The following MOCOS variants were observed in gnomAD, a reference collection of about 807,000 sequenced individuals.
MOCOS encodes the protein human molybdenum cofactor sulfurase.
Under a neutral mutation model 83.6 loss-of-function variants are expected in MOCOS, and 86 were observed. The ratio of observed to expected loss-of-function variants is 1.03; its 90% CI spans 0.86 to 1.23. MOCOS has a LOEUF of 1.23. Ranked by LOEUF, MOCOS falls within the 50% of genes most tolerant of loss-of-function variation. The pLI, the probability that MOCOS is intolerant of heterozygous loss-of-function variation, is 0.00. For missense variants in MOCOS, 1,120 were observed against 1,126.9 expected, an observed-to-expected ratio of 0.99 and a Z score of 0.09; for synonymous variants, 445 against 434.7, an observed-to-expected ratio of 1.02 and a Z score of -0.29.
At chr18:36,250,146 C>T (rs751384548) in intron 10 of MOCOS, among the ~76,000 whole-genome samples, 2 of 152,082 alleles carry the variant, frequency 1.3e-5, no homozygotes, top group African/African-American at 2.4e-5. Context: ...CTTTCACCCC[C>T]GCCCATATAC....
At chr18:36,223,881 G>A (rs1734627143) in intron 9 of MOCOS, among the ~76,000 whole-genome samples, 1 of 152,128 alleles carries the variant, frequency 6.6e-6, no homozygotes, top group Non-Finnish European at 1.5e-5. Context: ...GCCCAAACTG[G>A]AATAGAGTGG....
intron 7 of MOCOS, among the ~76,000 whole-genome samples, chr18:36,214,991 G>C (rs572597624): frequency 6.6e-6 from 1 of 152,338 alleles, no homozygotes; most frequent in Admixed American, 6.5e-5. Flanking sequence ...GGGCACTCAA[G>C]CTGACCTTGG....
Position 36,244,375 on chromosome 18 carries a change from T to G in MOCOS, c.1961-4547T>G, listed in dbSNP as rs140678570. ...TTTAAATTCCATCTTGATTTCATTG[T>G]TGACCCAAGGATCAGTCAGGAGCAG... On this transcript the variant is annotated intron_variant, in intron 9 of 14. Transcript: ENST00000261326. Among the ~76,000 whole-genome samples, 359 of 152,320 alleles carry G rather than the reference T, an allele frequency of 2.4e-3. 3 individuals are homozygous for G. The highest frequency in any genetic ancestry group is 8.2e-3 in the African/African-American group (342 of 41,594).
rs556058782 is a variant in MOCOS at position 36,258,605 on chromosome 18, T to C, written c.2271-1432T>C. Among the ~76,000 whole-genome samples the C allele has an allele frequency of 7.2e-5, 11 of 152,254 alleles. No homozygotes were observed. The South Asian group carries it at 1.2e-3, about 17-fold the overall frequency. On this transcript the variant is annotated intron_variant, in intron 12 of 14. Coordinates refer to ENST00000261326, the MANE Select transcript of MOCOS (RefSeq NM_017947.4). ...TTGGGACTCCTCCTTCCCAACCCCA[T>C]AGTCTTTCAACCCTGTCTCTGGCGC...
chr18:36,243,547 C>A (rs11663524), intron 9 of MOCOS, among the ~76,000 whole-genome samples: 14,953 of 151,962 alleles, frequency 0.098, 871 homozygotes, highest in Non-Finnish European at 0.13. Context: ...CATCTATATT[C>A]ATCAGGGATA....
chr18:36,228,407 A>G (rs1480535263), intron 9 of MOCOS, among the ~76,000 whole-genome samples: 1 of 152,246 alleles, frequency 6.6e-6, no homozygotes, highest in African/African-American at 2.4e-5. Flanking sequence ...ACAATTCACA[A>G]TAGCAAGGAC....
At chr18:36,240,672 G>A (rs1295654709) in intron 9 of MOCOS, among the ~76,000 whole-genome samples, 1 of 152,164 alleles carries the variant, frequency 6.6e-6, no homozygotes, top group Non-Finnish European at 1.5e-5. Flanking sequence ...CCCAGTTCGA[G>A]CTTCCCAGCT....
intron 1 of MOCOS, among the ~76,000 whole-genome samples, chr18:36,188,536 A>G (rs1021504615): frequency 6.6e-6 from 1 of 152,122 alleles, no homozygotes; most frequent in Non-Finnish European, 1.5e-5. Flanking sequence ...CGCGTGCCGG[A>G]TGGTCAAGGA....
In MOCOS at chr18:36,269,107, C is replaced by T. The variant is rs940710542; in HGVS notation, c.*422C>T. 2 of 210,360 alleles carry T rather than the reference C, an allele frequency of 9.5e-6. No individual in the cohort carries two copies. The highest frequency in any genetic ancestry group is 2.4e-5 in the African/African-American group (1 of 42,404). 13.0% of individuals were successfully genotyped at this position (210,360 alleles called of 1,614,324 possible). ...TTGTAGTGAGGAAGGGAGTCTATGC[C>T]CAGTGATCCTGGGTATGAGAAGGTG... On this transcript the variant is annotated 3_prime_UTR_variant, in exon 15 of 15. Coordinates refer to ENST00000261326, the MANE Select transcript of MOCOS (RefSeq NM_017947.4).
At chr18:36,206,060 G>GA (rs1056812334) in intron 6 of MOCOS, among the ~76,000 whole-genome samples, 5 of 151,486 alleles carry the variant, frequency 3.3e-5, no homozygotes, top group East Asian at 1.9e-4. Flanking sequence ...TTTTAACAAA[G>GA]AAAAAAAGGT....
At chr18:36,205,994 C>T (rs1431281580) in intron 6 of MOCOS, among the ~76,000 whole-genome samples, 1 of 152,134 alleles carries the variant, frequency 6.6e-6, no homozygotes, top group Non-Finnish European at 1.5e-5. Context: ...CCTGTGTTGG[C>T]CTCCCAAAGT....
At chr18:36,204,966 C>T in intron 5 of MOCOS, 111 bp from the exon 6 acceptor site, 1 of 968,396 alleles carries the variant, frequency 1.0e-6, no homozygotes. Flanking sequence ...GCACTCCAGC[C>T]TGGGTGACAG....
rs145974435 is a variant in MOCOS, at chr18:36,202,629, T to C, written c.942-484T>C. On this transcript the variant is annotated intron_variant, in intron 4 of 14. Transcript: ENST00000261326. ...GTTTTATAAGACAGCAGAGGGAAGG[T>C]ATTAATAGATTACAGCGGTATTAGT... is the stretch of plus-strand genomic sequence containing the variant. 2.9e-4 allele frequency among the ~76,000 whole-genome samples: 44 copies of C among 152,256 alleles called. 1 individual carries two copies. The East Asian group carries it at 8.1e-3, about 28-fold the overall frequency.
chr18:36,198,865 C>A, intron 3 of MOCOS, 109 bp downstream of exon 3: 1 of 1,194,970 alleles, frequency 8.4e-7, no homozygotes, highest in Non-Finnish European at 1.2e-6. Flanking sequence ...AGGAGGATCA[C>A]AGTTGGCTAA....
intron 2 of MOCOS, among the ~76,000 whole-genome samples, chr18:36,197,865 A>C (rs1417075490): frequency 2.6e-5 from 4 of 152,194 alleles, no homozygotes; most frequent in Non-Finnish European, 5.9e-5. Context: ...AGATGTTTTC[A>C]TTCCCCTGAA....
intron 9 of MOCOS, among the ~76,000 whole-genome samples, chr18:36,228,711 A>G (rs1365749666): frequency 6.6e-6 from 1 of 152,160 alleles, no homozygotes; most frequent in African/African-American, 2.4e-5. Context: ...GGGGAGGATC[A>G]GGAAAAATAA....
At position 36,215,687 on chromosome 18, in the gene MOCOS, G is replaced by A. The variant is rs376178473; in HGVS notation, c.1507G>A (p.Ala503Thr). The A allele has an allele frequency of 1.9e-6, 3 of 1,614,080 alleles. No individual in the cohort carries two copies. In the African/African-American group the frequency reaches 4.0e-5, roughly 22 times the overall value. Residue 503 changes from alanine (A) to threonine (T), a missense_variant, in exon 8 of 15, where the codon GCT becomes ACT. Physicochemically the swap from Ala to Thr is moderately conservative, Grantham distance 58 (BLOSUM62 0). Transcript: ENST00000261326. The part of the protein sequence containing the change: ...SGDWPVPQAH[A>T]DTGETGAPSA... ...GGACTGGCCTGTCCCTCAGGCCCAT[G>A]CTGACACCGGGGAGACTGGAGCCCC...
At chr18:36,222,185 A>G (rs538460382) in intron 9 of MOCOS, among the ~76,000 whole-genome samples, 3 of 152,346 alleles carry the variant, frequency 2.0e-5, no homozygotes, top group African/African-American at 7.2e-5. Flanking sequence ...TAGAGCTGCA[A>G]TGAACATTGG....
At chr18:36,212,819 T>G (rs1336839288) in intron 6 of MOCOS, among the ~76,000 whole-genome samples, 1 of 152,164 alleles carries the variant, frequency 6.6e-6, no homozygotes, top group East Asian at 1.9e-4. Flanking sequence ...CTCCTCCTCC[T>G]GAATTCAGCC....
Sources: gnomAD v4.1 joint callset for allele counts (sites outside exome capture counted in the v4.1 genomes callset) on GRCh38, gnomAD v4.1.1 for gene constraint, MANE v1.5 for transcripts, NCBI Gene and HGNC (gene_info 2026-07-23, HGNC 2026-07-21) for gene names.